FUT8: variants seen among roughly 807,000 people sequenced by gnomAD.
The protein encoded by FUT8 is alpha-(1,6)-fucosyltransferase.
Under a neutral mutation model 71.3 loss-of-function variants are expected in FUT8, and 29 were observed. That is an observed-to-expected ratio of 0.41 (90% CI 0.30 to 0.55). The LOEUF is 0.55. Ranked by LOEUF, FUT8 falls within the 20% of genes least tolerant of loss-of-function variation. The pLI is 0.34. For synonymous variants in FUT8, 254 were observed against 239.3 expected, an observed-to-expected ratio of 1.06 and a Z score of -0.57; for missense variants, 544 against 702.1, an observed-to-expected ratio of 0.77 and a Z score of 2.55.
chr14:65,631,942 C>A (rs1056158545), intron 6 of FUT8, among the ~76,000 whole-genome samples: 1 of 150,666 alleles, frequency 6.6e-6, no homozygotes, highest in Non-Finnish European at 1.5e-5. Flanking sequence ...TCAGTGAGAA[C>A]ATATGGTATT....
intron 2 of FUT8, among the ~76,000 whole-genome samples, chr14:65,529,935 G>A (rs1283987257): frequency 6.6e-6 from 1 of 152,142 alleles, no homozygotes; most frequent in African/African-American, 2.4e-5. Flanking sequence ...GAACTTAAAT[G>A]ATTCCTGGCC....
At chr14:65,528,261 C>T (rs1382443586) in intron 2 of FUT8, among the ~76,000 whole-genome samples, 3 of 152,226 alleles carry the variant, frequency 2.0e-5, no homozygotes, top group African/African-American at 7.2e-5. Context: ...GGTACCCCTC[C>T]CCCAGCTTCG....
intron 6 of FUT8, among the ~76,000 whole-genome samples, chr14:65,637,059 T>G (rs112854423): frequency 9.2e-5 from 14 of 152,320 alleles, no homozygotes; most frequent in African/African-American, 3.4e-4. Flanking sequence ...GAACATATAA[T>G]ATTGGGTTGT....
At chr14:65,699,997 T>C (rs557627936) in intron 7 of FUT8, among the ~76,000 whole-genome samples, 1 of 152,320 alleles carries the variant, frequency 6.6e-6, no homozygotes, top group South Asian at 2.1e-4. Flanking sequence ...TTTTGTGGTA[T>C]ATCTACCTCT....
At chr14:65,455,344 A>G (rs2065881712) in intron 1 of FUT8, among the ~76,000 whole-genome samples, 1 of 152,210 alleles carries the variant, frequency 6.6e-6, no homozygotes, top group Admixed American at 6.5e-5. Context: ...TATATTCACA[A>G]AGCAAGTTAT....
intron 2 of FUT8, among the ~76,000 whole-genome samples, chr14:65,487,634 C>T (rs1461248385): frequency 1.3e-5 from 2 of 150,508 alleles, no homozygotes; most frequent in South Asian, 2.1e-4. Flanking sequence ...TTGGCTCTTG[C>T]GGCCTTTCTT....
At chr14:65,586,106 A>C (rs1887364467) in intron 3 of FUT8, among the ~76,000 whole-genome samples, 1 of 152,228 alleles carries the variant, frequency 6.6e-6, no homozygotes, top group Non-Finnish European at 1.5e-5. Flanking sequence ...TTCCCTGAAA[A>C]GGAGAAACAC....
At chr14:65,569,771 A>G (rs1018412378) in intron 3 of FUT8, among the ~76,000 whole-genome samples, 5 of 151,942 alleles carry the variant, frequency 3.3e-5, no homozygotes, top group Admixed American at 2.0e-4. Flanking sequence ...TAAATTTAAT[A>G]TATTGTGTAT....
intron 2 of FUT8, among the ~76,000 whole-genome samples, chr14:65,470,289 A>G (rs1367595524): frequency 6.6e-6 from 1 of 152,230 alleles, no homozygotes; most frequent in East Asian, 1.9e-4. Flanking sequence ...AGCCCCCAAG[A>G]GCACACGGAG....
intron 7 of FUT8, among the ~76,000 whole-genome samples, chr14:65,701,492 A>C (rs142578144): frequency 4.1e-4 from 63 of 152,336 alleles, no homozygotes; most frequent in African/African-American, 1.4e-3. Context: ...AGAAAATACG[A>C]CTGTCACAGG....
intron 3 of FUT8, among the ~76,000 whole-genome samples, chr14:65,562,230 T>C (rs994057377): frequency 2.0e-5 from 3 of 152,162 alleles, no homozygotes; most frequent in Non-Finnish European, 2.9e-5. Context: ...TTTACAGTTA[T>C]GTATTTAAAA....
the FUT8 span, among the ~76,000 whole-genome samples, chr14:65,403,290 CAG>C: frequency 6.6e-6 from 1 of 152,084 alleles, no homozygotes; most frequent in Non-Finnish European, 1.5e-5. Context: ...AAAAATGAGA[CAG>C]AGAGTTTTAA....
the FUT8 span, among the ~76,000 whole-genome samples, chr14:65,392,870 A>C: frequency 3.9e-5 from 6 of 152,210 alleles, 1 homozygote; most frequent in Admixed American, 1.3e-4. Context: ...CACCCAGTTA[A>C]ATCTGAGTTT....
In FUT8 at chr14:65,413,695, A is replaced by T. The variant is rs2065176460; in HGVS notation, c.-326+481A>T. ...GTGCTGCTCGGGCTAGAAAGCAGGG[A>T]GTGGACCCTCACAAAGATCCGCGAG... is the stretch of plus-strand genomic sequence containing the variant. On this transcript the variant is annotated intron_variant, in intron 1 of 10. Transcript: ENST00000673929. The surrounding 1 kb of genome is among the most constrained non-coding windows in gnomAD (Gnocchi z 4.1). 6.6e-6 allele frequency among the ~76,000 whole-genome samples: 1 copy of T among 152,116 alleles called. No homozygotes were observed. The highest frequency in any genetic ancestry group is 2.1e-4 in the South Asian group (1 of 4,814).
At chr14:65,693,146 C>T (rs1355617145) in intron 7 of FUT8, among the ~76,000 whole-genome samples, 1 of 152,194 alleles carries the variant, frequency 6.6e-6, no homozygotes, top group Admixed American at 6.5e-5. Context: ...TTTGGGAGGC[C>T]AAGGCAGGCG....
chr14:65,648,598 A>G (rs1361829460), intron 6 of FUT8, among the ~76,000 whole-genome samples: 1 of 152,222 alleles, frequency 6.6e-6, no homozygotes, highest in Non-Finnish European at 1.5e-5. Flanking sequence ...TAGTCATGTT[A>G]CCGATGATAA....
the FUT8 span, among the ~76,000 whole-genome samples, chr14:65,378,338 A>T: frequency 6.6e-6 from 1 of 152,172 alleles, no homozygotes; most frequent in Non-Finnish European, 1.5e-5. Flanking sequence ...CCAGTGGGTA[A>T]AAAGGTTAAG....
chr14:65,465,267 T>A (rs1481862776), intron 2 of FUT8, among the ~76,000 whole-genome samples: 1 of 152,230 alleles, frequency 6.6e-6, no homozygotes, highest in Admixed American at 6.5e-5. Context: ...TTCTTCTTTT[T>A]TAACATATAC....
intron 2 of FUT8, among the ~76,000 whole-genome samples, chr14:65,504,218 AT>A (rs2066690655): frequency 6.6e-6 from 1 of 152,090 alleles, no homozygotes; most frequent in African/African-American, 2.4e-5. Context: ...TGGATTAAAA[AT>A]TTTTTTTAAC....
Sources: gnomAD v4.1 joint callset for allele counts (sites outside exome capture counted in the v4.1 genomes callset) on GRCh38, gnomAD v4.1.1 for gene constraint, Gnocchi (gnomAD v3.1) non-coding constraint, MANE v1.5 for transcripts, NCBI Gene and HGNC (gene_info 2026-07-23, HGNC 2026-07-21) for gene names.